The following TMTC4 variants were observed in gnomAD, a reference collection of about 807,000 sequenced individuals.
TMTC4 encodes protein O-mannosyl-transferase TMTC4.
TMTC4 carries 65 observed loss-of-function variants against 86.0 expected under a neutral mutation model. The ratio of observed to expected loss-of-function variants is 0.76; its 90% CI spans 0.62 to 0.93. The LOEUF is 0.93. TMTC4 is among the 40% of genes least tolerant of loss of function. The pLI is 0.00. For missense variants in TMTC4, 866 were observed against 948.1 expected, an observed-to-expected ratio of 0.91 and a Z score of 1.14; for synonymous variants, 379 against 382.5, an observed-to-expected ratio of 0.99 and a Z score of 0.11.
intron 15 of TMTC4, among the ~76,000 whole-genome samples, chr13:100,621,577 C>T (rs373232853): frequency 3.7e-4 from 56 of 152,292 alleles, no homozygotes; most frequent in Middle Eastern, 3.4e-3. Context: ...AGGCGCCTGC[C>T]ACCACGCCTG....
chr13:100,651,672 T>C (rs1594341073), intron 6 of TMTC4, among the ~76,000 whole-genome samples: 1 of 152,148 alleles, frequency 6.6e-6, no homozygotes, highest in African/African-American at 2.4e-5. Context: ...GTTAATGATG[T>C]TACCAAAAAA....
At chr13:100,624,355 A>AAAAT (rs1338180736) in intron 15 of TMTC4, 1 of 7,500 alleles carries the variant, frequency 1.3e-4, no homozygotes, top group Non-Finnish European at 4.8e-4. Context: ...AAAAAAAAAT[A>AAAAT]AAAAAAAAAT....
chr13:100,606,499 C>T, intron 17 of TMTC4, 72 bp from the exon 18 acceptor site: 1 of 1,308,132 alleles, frequency 7.6e-7, no homozygotes, highest in Non-Finnish European at 1.1e-6. Flanking sequence ...AGTTTTATCA[C>T]CTACGGTTTT....
In TMTC4 at chr13:100,670,555, G is replaced by C. The variant is rs1207992078; in HGVS notation, c.-193C>G. 1.9e-6 allele frequency: 1 copy of C among 539,956 alleles called. No homozygotes were observed. Among genetic ancestry groups the C allele is most frequent in the African/African-American group, 2.0e-5 (1 of 50,974 alleles). The allele number at this position is 539,956 out of a possible 1,614,324, so 33.4% of individuals were successfully genotyped here. ...CCAGTCAAAGGATAAACCACTTCTC[G>C]AATCTAAATTACAACTGCAAACACA... On this transcript the variant is annotated 5_prime_UTR_variant, in exon 2 of 19. Coordinates refer to ENST00000342624, the MANE Select transcript of TMTC4 (RefSeq NM_032813.5).
chr13:100,607,925 A>G (rs1012257844), intron 17 of TMTC4, among the ~76,000 whole-genome samples: 3 of 152,198 alleles, frequency 2.0e-5, no homozygotes, highest in Non-Finnish European at 2.9e-5. Context: ...GACTCCGGCC[A>G]TATCAGGAAG....
chr13:100,632,668 T>A (rs575508829), intron 12 of TMTC4, among the ~76,000 whole-genome samples: 7 of 152,330 alleles, frequency 4.6e-5, no homozygotes. Context: ...AAGAAAAAGA[T>A]AAGTAGCCAG....
intron 2 of TMTC4, among the ~76,000 whole-genome samples, chr13:100,669,206 T>A (rs912971823): frequency 6.6e-6 from 1 of 152,182 alleles, no homozygotes; most frequent in Non-Finnish European, 1.5e-5. Context: ...TAGCACACTG[T>A]GTGTGTGGCA....
At chr13:100,635,299 G>T in intron 10 of TMTC4, 104 bp from the exon 11 acceptor site, 1 of 1,219,116 alleles carries the variant, frequency 8.2e-7, no homozygotes, top group Non-Finnish European at 1.1e-6. Flanking sequence ...CTTTTCCATG[G>T]CATCAACTGA....
At chr13:100,624,907 T>C (rs535976918) in intron 15 of TMTC4, 2 of 152,530 alleles carry the variant, frequency 1.3e-5, no homozygotes, top group Admixed American at 6.5e-5. Flanking sequence ...AATTTTGCTA[T>C]GTGTGTGTCT....
chr13:100,635,204 T>A lies in TMTC4; in HGVS notation c.1203-9A>T, dbSNP rs1882055960. On this transcript the variant is annotated splice_polypyrimidine_tract_variant and intron_variant, in intron 10 of 18. Transcript: ENST00000342624. ...GGCCCAGAGTAAGGATCCTGGATGATGAAAAGTATTTAAATAAATGGCTAT... is the reference window on the plus strand; with the variant it reads ...GGCCCAGAGTAAGGATCCTGGATGAAGAAAAGTATTTAAATAAATGGCTAT... 3 of 1,562,212 alleles carry A rather than the reference T, an allele frequency of 1.9e-6. No individual in the cohort carries two copies. Among genetic ancestry groups the A allele is most frequent in the South Asian group, 1.2e-5 (1 of 83,474 alleles).
At chr13:100,661,460 G>A (rs1273793195) in intron 5 of TMTC4, among the ~76,000 whole-genome samples, 2 of 152,158 alleles carry the variant, frequency 1.3e-5, no homozygotes, top group Non-Finnish European at 2.9e-5. Context: ...TAAATTAGAC[G>A]AGAAGGAAGA....
intron 6 of TMTC4, among the ~76,000 whole-genome samples, chr13:100,647,073 C>A (rs941396125): frequency 6.6e-6 from 1 of 152,096 alleles, no homozygotes; most frequent in South Asian, 2.1e-4. Flanking sequence ...CGGAGAAGTC[C>A]GGGCCTTCCG....
chr13:100,617,473 A>C (rs890008143), intron 15 of TMTC4, among the ~76,000 whole-genome samples: 2 of 152,144 alleles, frequency 1.3e-5, no homozygotes, highest in Admixed American at 6.5e-5. Flanking sequence ...CTTGCATTTA[A>C]ATTTTTAATC....
intron 6 of TMTC4, among the ~76,000 whole-genome samples, chr13:100,655,799 A>T (rs1236342980): frequency 6.6e-6 from 1 of 151,158 alleles, no homozygotes; most frequent in African/African-American, 2.4e-5. Context: ...TAATAATAAA[A>T]GGGGGTGGGA....
At chr13:100,665,886 C>T (rs1176084870) in intron 3 of TMTC4, 9 of 378,450 alleles carry the variant, frequency 2.4e-5, no homozygotes, top group Non-Finnish European at 4.8e-5. Flanking sequence ...TGACCACTCC[C>T]CAAGAGCAGG....
rs972575262 is a variant in TMTC4, at chr13:100,603,716, G to A, written c.*1278C>T. 3.3e-5 allele frequency among the ~76,000 whole-genome samples: 5 copies of A among 152,110 alleles called. No homozygotes were observed. Among genetic ancestry groups the A allele is most frequent in the African/African-American group, 1.2e-4 (5 of 41,420 alleles). Reference sequence around the variant, plus strand: ...CACTACACAGACCTGCCCCCAACACGTGAGTCCAGAGAATCACATTCCTCT... The same window carrying A: ...CACTACACAGACCTGCCCCCAACACATGAGTCCAGAGAATCACATTCCTCT... On this transcript the variant is annotated 3_prime_UTR_variant, in exon 19 of 19. Coordinates refer to ENST00000342624, the MANE Select transcript of TMTC4 (RefSeq NM_032813.5).
Position 100,625,770 on chromosome 13 carries a change from A to G in TMTC4, c.1694+15T>C. ...CTTTCTTTGTCACTAGCATAATTAT[A>G]AAAACAATGCTTACTGTATTTGAAC... is the stretch of plus-strand genomic sequence containing the variant. On this transcript the variant is annotated intron_variant, in intron 14 of 18. Transcript: ENST00000342624. 6.2e-7 allele frequency: 1 copy of G among 1,610,934 alleles called. No individual in the cohort carries two copies. Among genetic ancestry groups the G allele is most frequent in the Non-Finnish European group, 8.5e-7 (1 of 1,179,176 alleles).
chr13:100,621,589 C>T (rs1162154735), intron 15 of TMTC4, among the ~76,000 whole-genome samples: 1 of 152,086 alleles, frequency 6.6e-6, no homozygotes, highest in African/African-American at 2.4e-5. Context: ...CCACGCCTGG[C>T]TAATTTTTTG....
chr13:100,674,219 G>A (rs1323870362), intron 1 of TMTC4: 219 of 981,558 alleles, frequency 2.2e-4, no homozygotes, highest in Admixed American at 1.3e-4. Flanking sequence ...CTCCGCAGCC[G>A]AGCGTGGAGT....
Sources: gnomAD v4.1 joint callset for allele counts (sites outside exome capture counted in the v4.1 genomes callset) on GRCh38, gnomAD v4.1.1 for gene constraint, MANE v1.5 for transcripts, NCBI Gene and HGNC (gene_info 2026-07-23, HGNC 2026-07-21) for gene names.